The following ITFG1 variants were observed in gnomAD, a reference collection of about 807,000 sequenced individuals.
ITFG1 encodes T-cell immunomodulatory protein.
A neutral mutation model predicts 81.8 loss-of-function variants in ITFG1; 34 were observed. The ratio of observed to expected loss-of-function variants is 0.42; its 90% CI spans 0.32 to 0.55. The LOEUF (loss-of-function observed/expected upper bound fraction) is 0.55. Among genes scored for constraint, ITFG1 ranks in the 20% least tolerant of loss-of-function variants. The pLI, the probability that ITFG1 is intolerant of heterozygous loss-of-function variation, is 0.17. For synonymous variants in ITFG1, 285 were observed against 270.6 expected (o/e 1.05, Z -0.52); for missense variants, 672 against 755.4 (o/e 0.89, Z 1.29).
chr16:47,453,675 G>A (rs1969416385), intron 3 of ITFG1, among the ~76,000 whole-genome samples: 1 of 152,214 alleles, frequency 6.6e-6, no homozygotes, highest in African/African-American at 2.4e-5. Context: ...ACTTCTGATA[G>A]GGGAAAGAGG....
intron 6 of ITFG1, among the ~76,000 whole-genome samples, chr16:47,427,633 A>G (rs1032638996): frequency 1.3e-5 from 2 of 151,360 alleles, no homozygotes; most frequent in African/African-American, 4.9e-5. Flanking sequence ...CTCCAAAAAA[A>G]AGAATTCTGA....
At chr16:47,172,510 AC>A (rs1291596030) in intron 14 of ITFG1, among the ~76,000 whole-genome samples, 1 of 150,412 alleles carries the variant, frequency 6.6e-6, no homozygotes, top group South Asian at 2.1e-4. Context: ...CAACCAAAAA[AC>A]CCCCCATAAT....
intron 6 of ITFG1, among the ~76,000 whole-genome samples, chr16:47,423,185 C>A (rs988716271): frequency 6.6e-6 from 1 of 150,744 alleles, no homozygotes; most frequent in Non-Finnish European, 1.5e-5. Flanking sequence ...TAGTGGCCTT[C>A]TTTGTCTCTT....
At chr16:47,163,867 GT>G (rs1964847136) in intron 14 of ITFG1, among the ~76,000 whole-genome samples, 1 of 149,960 alleles carries the variant, frequency 6.7e-6, no homozygotes, top group South Asian at 2.1e-4. Flanking sequence ...ATGACTAATA[GT>G]TATTAGCCAT....
chr16:47,415,641 C>T (rs1227504921), intron 6 of ITFG1, among the ~76,000 whole-genome samples: 4 of 152,016 alleles, frequency 2.6e-5, no homozygotes, highest in Non-Finnish European at 4.4e-5. Flanking sequence ...GTAAGATATG[C>T]ATATCAAAAT....
At position 47,413,851 on chromosome 16, in the gene ITFG1, G is replaced by A. The variant is rs545702568; in HGVS notation, c.655+14953C>T. On this transcript the variant is annotated intron_variant, in intron 6 of 17. Transcript: ENST00000320640. ...AGAACATACAGATGTACTTATTCTC[G>A]CTCTTATCCCCCAGGCTAGAGTGTG... Among the ~76,000 whole-genome samples the A allele has an allele frequency of 2.9e-4, 44 of 152,058 alleles. No individual in the cohort carries two copies. In the South Asian group the frequency reaches 6.7e-3, roughly 23 times the overall value.
chr16:47,358,330 G>C (rs1003305297), intron 8 of ITFG1, among the ~76,000 whole-genome samples: 2 of 152,102 alleles, frequency 1.3e-5, no homozygotes, highest in African/African-American at 4.8e-5. Context: ...AACAGAATTG[G>C]CACTATGAAA....
chr16:47,246,987 T>C (rs111472916), intron 12 of ITFG1, among the ~76,000 whole-genome samples: 1 of 152,276 alleles, frequency 6.6e-6, no homozygotes, highest in African/African-American at 2.4e-5. Context: ...TTTCACCATG[T>C]TGACCAGGCT....
At chr16:47,174,058 A>AAAACAAAAAC (rs1267856978) in intron 14 of ITFG1, among the ~76,000 whole-genome samples, 1 of 151,994 alleles carries the variant, frequency 6.6e-6, no homozygotes, top group African/African-American at 2.4e-5. Flanking sequence ...AACAAAACAA[A>AAAACAAAAAC]AAACAAAAAC....
intron 5 of ITFG1, chr16:47,450,464 GA>G: frequency 2.5e-6 from 1 of 404,066 alleles, no homozygotes; most frequent in Admixed American, 3.2e-5. Context: ...CTGTAAACCA[GA>G]AAAAGTAATA....
upstream of ITFG1, chr16:47,461,237 C>T (rs1046676553): frequency 9.8e-7 from 1 of 1,018,032 alleles, no homozygotes; most frequent in Non-Finnish European, 1.4e-6. Context: ...TGAAAGCCGC[C>T]CTCACGCTCA....
intron 8 of ITFG1, among the ~76,000 whole-genome samples, chr16:47,340,904 A>G (rs912730813): frequency 2.6e-5 from 4 of 152,352 alleles, no homozygotes; most frequent in Non-Finnish European, 5.9e-5. Context: ...AACATTGTAT[A>G]ATGACTAAAA....
intron 6 of ITFG1, among the ~76,000 whole-genome samples, chr16:47,400,450 G>C (rs1320432602): frequency 1.4e-5 from 2 of 146,720 alleles, no homozygotes; most frequent in African/African-American, 5.2e-5. Context: ...GGAAGACAGA[G>C]TCACTTTACA....
At chr16:47,379,880 G>A (rs966448530) in intron 6 of ITFG1, among the ~76,000 whole-genome samples, 2 of 151,948 alleles carry the variant, frequency 1.3e-5, no homozygotes, top group African/African-American at 2.4e-5. Context: ...GTGATATTTT[G>A]TGTTTTCTTT....
chr16:47,155,768 T>A lies in ITFG1; in HGVS notation c.1790A>T (p.Asp597Val). The change falls in exon 18 of 18, where the codon GAT becomes GTT. Residue 597 changes from aspartate to valine, a missense_variant. By Grantham distance (152) the Asp-to-Val change is radical. Around this residue, in one of 3 missense-constraint regions of ITFG1, gnomAD observed 65 missense variants for 103.3 expected, o/e 0.63. Coordinates refer to ENST00000320640, the MANE Select transcript of ITFG1 (RefSeq NM_030790.5). Reference protein sequence around the residue: ...ILHWQEKKADDREKRQEAHRF... With the variant: ...ILHWQEKKADVREKRQEAHRF... ...GTGGGCTTCTTGTCGTTTTTCTCTA[T>A]CATCTGCTTTCTGAAAAAGAATTTT... is the stretch of plus-strand genomic sequence containing the variant. 1 of 1,606,776 alleles carries A rather than the reference T, an allele frequency of 6.2e-7. No individual in the cohort carries two copies. The highest frequency in any genetic ancestry group is 8.5e-7 in the Non-Finnish European group (1 of 1,176,450).
At chr16:47,395,034 A>C (rs1336804163) in intron 6 of ITFG1, among the ~76,000 whole-genome samples, 1 of 152,200 alleles carries the variant, frequency 6.6e-6, no homozygotes, top group South Asian at 2.1e-4. Flanking sequence ...ATTTCTACTA[A>C]GAGAAATGTG....
chr16:47,175,591 A>AAGGAC (rs1393645487), intron 14 of ITFG1, among the ~76,000 whole-genome samples: 6 of 152,172 alleles, frequency 3.9e-5, no homozygotes, highest in Admixed American at 3.9e-4. Flanking sequence ...GCTCTATGAA[A>AAGGAC]AGGACTTCTA....
At chr16:47,347,349 T>C (rs933999765) in intron 8 of ITFG1, among the ~76,000 whole-genome samples, 2 of 152,230 alleles carry the variant, frequency 1.3e-5, no homozygotes, top group Admixed American at 1.3e-4. Context: ...CCCACCCTAA[T>C]ACCGCGCTTT....
chr16:47,379,749 G>A (rs1311728359), intron 6 of ITFG1, among the ~76,000 whole-genome samples: 1 of 151,724 alleles, frequency 6.6e-6, no homozygotes, highest in Non-Finnish European at 1.5e-5. Context: ...GGCAATATGG[G>A]TTCCTTCACT....
Sources: allele counts gnomAD v4.1 joint callset (sites outside exome capture counted in the v4.1 genomes callset), GRCh38; gene constraint gnomAD v4.1.1; regional missense constraint gnomAD v4.1.1; transcripts MANE v1.5; gene names NCBI Gene and HGNC (gene_info 2026-07-23, HGNC 2026-07-21).